The following PXN variants were observed in gnomAD, a reference collection of about 807,000 sequenced individuals.
PXN encodes testicular tissue protein Li 134.
PXN carries 61 observed loss-of-function variants against 103.6 expected under a neutral mutation model. The observed-to-expected ratio is 0.59, with a 90% CI of 0.48 to 0.73. The LOEUF is 0.73. Ranked by LOEUF, PXN falls within the 30% of genes least tolerant of loss-of-function variation. PXN has a pLI of 0.00. For synonymous variants in PXN, 562 were observed against 607.8 expected, an observed-to-expected ratio of 0.92 and a Z score of 1.11; for missense variants, 1,274 against 1,460.3, an observed-to-expected ratio of 0.87 and a Z score of 2.08.
intron 1 of PXN, chr12:120,248,788 G>GT (rs1891654283): frequency 6.6e-6 from 1 of 152,174 alleles, no homozygotes; most frequent in Non-Finnish European, 1.5e-5. Context: ...ATAAGGGAAC[G>GT]TAAGGGAGGT....
intron 1 of PXN, among the ~76,000 whole-genome samples, chr12:120,256,806 CT>C (rs771300332): frequency 2.0e-5 from 3 of 152,168 alleles, no homozygotes; most frequent in Non-Finnish European, 2.9e-5. Flanking sequence ...CAACCTCCGC[CT>C]CCCAGGTTCA....
At position 120,222,932 on chromosome 12, in the gene PXN, G is replaced by C. The variant is rs1157415728; in HGVS notation, c.424C>G (p.Leu142Val). Reference protein sequence around the residue: ...TVMSTSLGSNLSELDRLLLEL... With the variant: ...TVMSTSLGSNVSELDRLLLEL... ...AGCAGCAGGCGGTCGAGTTCAGAAA[G>C]GTTGCTGCCCAGGGACGTGCTCATT... Residue 142 changes from leucine (L) to valine (V), a missense_variant, in exon 4 of 15, where the codon CTT becomes GTT. Leu to Val is a conservative substitution (Grantham distance 32). Transcript: ENST00000637617. This position sits in a 1 kb window ranked among gnomAD's most constrained non-coding sequence, Gnocchi z 4.7. 4 of 1,613,972 alleles carry C rather than the reference G, an allele frequency of 2.5e-6. 1 individual carries two copies. The South Asian group carries it at 4.4e-5, about 18-fold the overall frequency.
Position 120,219,372 on chromosome 12 carries a change from G to C in PXN, c.1551C>G (p.Thr517=), listed in dbSNP as rs778668427. The C allele has an allele frequency of 1.3e-6, 2 of 1,598,422 alleles. No individual in the cohort carries two copies. Among genetic ancestry groups the C allele is most frequent in the South Asian group, 1.1e-5 (1 of 91,080 alleles). The change falls in exon 7 of 15, where the codon ACC becomes ACG. Residue 517 remains threonine, a synonymous_variant. Coordinates refer to ENST00000637617, the MANE Select transcript of PXN (RefSeq NM_001385981.1). The surrounding 1 kb of genome is among the most constrained non-coding windows in gnomAD (Gnocchi z 6.5). Reference sequence around the variant, plus strand: ...TTGGCCTGGCCACACTTCCCCTCTCGGTCATCTTTGCACCTAGCTGCTCCG... The same window carrying C: ...TTGGCCTGGCCACACTTCCCCTCTCCGTCATCTTTGCACCTAGCTGCTCCG... ...VTTEQLGAKM[T]ERGSVARPTQ... is the part of the protein sequence containing the mutation.
rs780657619 is a variant in PXN, at chr12:120,216,742, C to T, written c.1992+99G>A. The T allele has an allele frequency of 4.4e-6, 7 of 1,594,852 alleles. No homozygotes were observed. The African/African-American group carries it at 5.4e-5, about 12-fold the overall frequency. On this transcript the variant is annotated intron_variant, in intron 8 of 14. Transcript: ENST00000637617. The surrounding 1 kb of genome is among the most constrained non-coding windows in gnomAD (Gnocchi z 5.1). ...GGAGGCAAGAAACCCCCACCCTCTC[C>T]CCAGATCTCCCCTCCGGCCAGCACT...
intron 1 of PXN, among the ~76,000 whole-genome samples, chr12:120,231,638 C>A (rs1039848389): frequency 1.5e-4 from 23 of 152,204 alleles, no homozygotes; most frequent in African/African-American, 5.5e-4. Context: ...GGGTGGCTTC[C>A]TGTATGCTGA....
Position 120,211,084 on chromosome 12 carries a change from T to C in PXN, c.*1230A>G, listed in dbSNP as rs891028197. 5.8e-4 allele frequency: 89 copies of C among 152,148 alleles called. 1 individual carries two copies. The highest frequency in any genetic ancestry group is 2.1e-3 in the African/African-American group (87 of 41,356). The allele number at this position is 152,148 out of a possible 1,614,324, so 9.4% of individuals were successfully genotyped here. On this transcript the variant is annotated 3_prime_UTR_variant, in exon 15 of 15. Transcript: ENST00000637617. ...TGAGAAGGCAGAAGAGAGAGCCCCA[T>C]AGAAGCAGTGGGGGCTCAGAAGGTT...
In PXN at chr12:120,223,853, C is replaced by A; in HGVS notation, c.241-20G>T. On this transcript the variant is annotated intron_variant, in intron 2 of 14. Coordinates refer to ENST00000637617, the MANE Select transcript of PXN (RefSeq NM_001385981.1). Reference sequence around the variant, plus strand: ...CTGAGGCTGCGAGAAGGAGAATGCTCAGAGGCTACCCCGAGGGGAGAAAAA... The same window carrying A: ...CTGAGGCTGCGAGAAGGAGAATGCTAAGAGGCTACCCCGAGGGGAGAAAAA... 2.0e-6 allele frequency: 3 copies of A among 1,538,236 alleles called. No individual in the cohort carries two copies. Among genetic ancestry groups the A allele is most frequent in the South Asian group, 1.2e-5 (1 of 85,468 alleles).
At chr12:120,223,460 A>G (rs1885872418) in intron 3 of PXN, among the ~76,000 whole-genome samples, 1 of 151,990 alleles carries the variant, frequency 6.6e-6, no homozygotes, top group Non-Finnish European at 1.5e-5. Flanking sequence ...AGAAAAAAAG[A>G]AGAGGGGAGG....
rs1208277645 is a variant in PXN at position 120,219,328 on chromosome 12, G to A, written c.1595C>T (p.Pro532Leu). ...TTCCGTGGTGCCCTCTGGGCTCCTT[G>A]GGGTTTCAGGTCCCTGGGTTGGCCT... The part of the protein sequence containing the change: ...VARPTQGPET[P>L]RSPEGTTEAA... Residue 532 changes from proline (P) to leucine (L), a missense_variant, in exon 7 of 15, where the codon CCA becomes CTA. By Grantham distance (98) the Pro-to-Leu change is moderately conservative. This residue lies in a region of PXN where 1,178 missense variants were observed against 1,309.0 expected (regional missense o/e 0.90). Coordinates refer to ENST00000637617, the MANE Select transcript of PXN (RefSeq NM_001385981.1). The surrounding 1 kb of genome is among the most constrained non-coding windows in gnomAD (Gnocchi z 6.5). 3 of 1,598,438 alleles carry A rather than the reference G, an allele frequency of 1.9e-6. No individual in the cohort carries two copies. In the South Asian group the frequency reaches 3.3e-5, roughly 18 times the overall value.
rs1891901605 is a variant in PXN, at chr12:120,250,083, C to T, written c.13+15534G>A. 7 of 985,560 alleles carry T rather than the reference C, an allele frequency of 7.1e-6. No individual in the cohort carries two copies. The South Asian group carries it at 2.8e-4, about 40-fold the overall frequency. 61.1% of individuals were successfully genotyped at this position (985,560 alleles called of 1,614,324 possible). A position where few individuals can be genotyped will look rare whatever the true frequency, so the allele number is the denominator to read the frequency against. On this transcript the variant is annotated intron_variant, in intron 1 of 14. Transcript: ENST00000637617. ...CCACACCCACCCCAGAGGAGCCCAT[C>T]CCACTCAGCTGTCCCAGAGCACATC...
chr12:120,230,049 G>A (rs768938394), intron 1 of PXN, among the ~76,000 whole-genome samples: 6 of 152,172 alleles, frequency 3.9e-5, no homozygotes, highest in East Asian at 1.9e-4. Context: ...AGAGGCCCAC[G>A]TAAGAACAAG....
rs1885449287 is a variant in PXN, at chr12:120,222,418, T to TC, written c.695+130dup. 4.8e-6 allele frequency: 5 copies of TC among 1,044,222 alleles called. No individual in the cohort carries two copies. Among genetic ancestry groups the TC allele is most frequent in the South Asian group, 1.7e-5 (1 of 59,386 alleles). The allele number at this position is 1,044,222 out of a possible 1,614,324, so 64.7% of individuals were successfully genotyped here. ...ATGGTGTCCATGTGACTCACCACTA[T>TC]CCCCCCAGTGCCTGGCAAATGGCAG... On this transcript the variant is annotated intron_variant, in intron 5 of 14. Transcript: ENST00000637617. The surrounding 1 kb of genome is among the most constrained non-coding windows in gnomAD (Gnocchi z 4.7).
At chr12:120,241,069 C>T (rs1364382072) in intron 1 of PXN, among the ~76,000 whole-genome samples, 1 of 152,152 alleles carries the variant, frequency 6.6e-6, no homozygotes, top group Non-Finnish European at 1.5e-5. Flanking sequence ...ATCTGTGGAC[C>T]ACCTGAAGTT....
chr12:120,215,089 CT>C lies in PXN; in HGVS notation c.2574+13del, dbSNP rs1566356113. 1.3e-6 allele frequency: 2 copies of C among 1,587,398 alleles called. No homozygotes were observed. Among genetic ancestry groups the C allele is most frequent in the Non-Finnish European group, 1.7e-6 (2 of 1,164,788 alleles). On this transcript the variant is annotated intron_variant, in intron 11 of 14. Transcript: ENST00000637617. The surrounding 1 kb of genome is among the most constrained non-coding windows in gnomAD (Gnocchi z 4.9). ...AGTCCACTGGCCACACCCCTGCCCA[CT>C]CCCCCTCATCACCTGCCCGGCGATG...
At chr12:120,223,945 G>A in intron 2 of PXN, 112 bp from the exon 3 acceptor site, 1 of 927,692 alleles carries the variant, frequency 1.1e-6, no homozygotes, top group East Asian at 2.6e-5. Context: ...GTCTCACCAG[G>A]GAATTTCCAC....
chr12:120,265,638 C>A lies in PXN; in HGVS notation c.-9G>T. On this transcript the variant is annotated 5_prime_UTR_variant, in exon 1 of 15. Transcript: ENST00000637617. This position sits in a 1 kb window ranked among gnomAD's most constrained non-coding sequence, Gnocchi z 5.7. ...TCACCGAGGTCGTCCATGGCCGGAC[C>A]ACGGGCGCCGGCTCAGGGTCGCGCT... is the stretch of plus-strand genomic sequence containing the variant. 1 of 1,476,714 alleles carries A rather than the reference C, an allele frequency of 6.8e-7. No homozygotes were observed. The highest frequency in any genetic ancestry group is 8.9e-7 in the Non-Finnish European group (1 of 1,119,146). 91.5% of individuals were successfully genotyped at this position (1,476,714 alleles called of 1,614,324 possible).
In PXN at chr12:120,233,729, T is replaced by C. The variant is rs116017825; in HGVS notation, c.14-9352A>G. ...GTCAGAAACCCTGGGGATGGCATTC[T>C]GTTCTTGACCCTCTCAGAATATGGC... is the stretch of plus-strand genomic sequence containing the variant. On this transcript the variant is annotated intron_variant, in intron 1 of 14. Coordinates refer to ENST00000637617, the MANE Select transcript of PXN (RefSeq NM_001385981.1). Among the ~76,000 whole-genome samples the C allele has an allele frequency of 3.6e-3, 543 of 152,346 alleles. 6 individuals carry two copies. Among genetic ancestry groups the C allele is most frequent in the African/African-American group, 0.012 (516 of 41,584 alleles).
At position 120,219,599 on chromosome 12, in the gene PXN, C is replaced by T; in HGVS notation, c.1324G>A (p.Glu442Lys). Residue 442 changes from glutamate to lysine, a missense_variant, in exon 7 of 15, where the codon GAG becomes AAG. By Grantham distance (56) the Glu-to-Lys change is moderately conservative. Transcript: ENST00000637617. This position sits in a 1 kb window ranked among gnomAD's most constrained non-coding sequence, Gnocchi z 6.5. ...GGCATTCTCTCAGGCCCGAATACCT[C>T]CGAAGCCCATGGCTGCTCCCATGTG... The part of the protein sequence containing the change: ...AATWEQPWAS[E>K]VFGPERMPPS... The T allele has an allele frequency of 6.4e-7, 1 of 1,565,364 alleles. No homozygotes were observed. The highest frequency in any genetic ancestry group is 8.6e-7 in the Non-Finnish European group (1 of 1,163,068).
rs543828842 is a variant in PXN at position 120,237,954 on chromosome 12, C to T, written c.14-13577G>A. ...GCAGCAGGCCTGACCCAACCCAGGG[C>T]GCTGGTGGGATGGCATCACTGAGCT... On this transcript the variant is annotated intron_variant, in intron 1 of 14. Transcript: ENST00000637617. 3.8e-4 allele frequency among the ~76,000 whole-genome samples: 58 copies of T among 152,274 alleles called. 2 individuals carry two copies. The East Asian group carries it at 0.01, about 27-fold the overall frequency.
Sources: allele counts gnomAD v4.1 joint callset (sites outside exome capture counted in the v4.1 genomes callset), GRCh38; gene constraint gnomAD v4.1.1; regional missense constraint gnomAD v4.1.1; non-coding constraint Gnocchi (gnomAD v3.1); transcripts MANE v1.5; gene names NCBI Gene and HGNC (gene_info 2026-07-23, HGNC 2026-07-21).